Variants in AP5S1 observed in about 807,000 individuals in gnomAD.
AP5S1 encodes the protein AP-5 complex subunit sigma-1.
AP5S1 carries 13 observed loss-of-function variants against 13.9 expected under a neutral mutation model. The observed-to-expected ratio is 0.94, with a 90% CI of 0.61 to 1.49. The LOEUF (loss-of-function observed/expected upper bound fraction) is 1.49. Among genes scored for constraint, AP5S1 ranks in the 40% most tolerant of loss-of-function variants. The pLI, the probability that AP5S1 is intolerant of heterozygous loss-of-function variation, is 0.00. For missense variants in AP5S1, 292 were observed against 272.3 expected (o/e 1.07, Z -0.51); for synonymous variants, 132 against 121.8 (o/e 1.08, Z -0.55).
At chr20:3,823,473 G>A (rs1475012616) in intron 2 of AP5S1, 7 of 874,054 alleles carry the variant, frequency 8.0e-6, no homozygotes, top group African/African-American at 1.8e-5. Flanking sequence ...GGATGGTCTC[G>A]ATCTCCTGAC....
At chr20:3,820,834 G>A (rs1241201575) in intron 1 of AP5S1, 76 bp downstream of exon 1, 2 of 152,300 alleles carry the variant, frequency 1.3e-5, no homozygotes, top group Admixed American at 1.3e-4. Flanking sequence ...GCGCTCTGCT[G>A]GCGGCTGGAG....
rs2089615740 is a variant in AP5S1 at position 3,824,991 on chromosome 20, A to C, written c.*694A>C. 1 of 150,742 alleles carries C rather than the reference A, an allele frequency of 6.6e-6. No homozygotes were observed. The highest frequency in any genetic ancestry group is 1.5e-5 in the Non-Finnish European group (1 of 67,888). The allele number at this position is 150,742 out of a possible 1,614,324, so 9.3% of individuals were successfully genotyped here. A position where few individuals can be genotyped will look rare whatever the true frequency, so the allele number is the denominator to read the frequency against. On this transcript the variant is annotated 3_prime_UTR_variant, in exon 3 of 3. Coordinates refer to ENST00000615891, the MANE Select transcript of AP5S1 (RefSeq NM_018347.3). ...ACAAAAGGGGTCTCAGACTCCCCTG[A>C]GGGTGGAGGAGCTGTGCCTGCATGC...
Position 3,823,904 on chromosome 20 carries a change from G to A in AP5S1, c.210G>A (p.Gln70=). 6.2e-7 allele frequency: 1 copy of A among 1,602,388 alleles called. No individual in the cohort carries two copies. The highest frequency in any genetic ancestry group is 1.1e-5 in the South Asian group (1 of 91,042). ...AGTCAATGTGTCGGCTGCAGCAGCA[G>A]GCATCTGGCCGGCCCCCCATGGACC... ...QVESMCRLQQ[Q]ASGRPPMDLQ... Residue 70 remains glutamine (Q), a synonymous_variant, in exon 3 of 3, where the codon CAG becomes CAA. Coordinates refer to ENST00000615891, the MANE Select transcript of AP5S1 (RefSeq NM_018347.3).
intron 2 of AP5S1, among the ~76,000 whole-genome samples, chr20:3,823,032 C>T (rs1011245922): frequency 1.3e-5 from 2 of 152,166 alleles, no homozygotes; most frequent in African/African-American, 4.8e-5. Flanking sequence ...TCTTCTTATT[C>T]TCCTTCCCCT....
Position 3,824,360 on chromosome 20 carries a change from T to G in AP5S1, c.*63T>G. On this transcript the variant is annotated 3_prime_UTR_variant, in exon 3 of 3. Coordinates refer to ENST00000615891, the MANE Select transcript of AP5S1 (RefSeq NM_018347.3). The stretch of plus-strand genomic sequence containing the variant: ...GGTAGACACACAGCCAGATGAAGCT[T>G]GGCATCTCCCTCCTACCCAGCAGCT... 6.7e-7 allele frequency: 1 copy of G among 1,498,940 alleles called. No individual in the cohort carries two copies. Among genetic ancestry groups the G allele is most frequent in the Non-Finnish European group, 9.1e-7 (1 of 1,096,512 alleles). 92.9% of individuals were successfully genotyped at this position (1,498,940 alleles called of 1,614,324 possible). A position where few individuals can be genotyped will look rare whatever the true frequency, so the allele number is the denominator to read the frequency against.
Position 3,826,143 on chromosome 20 carries a change from G to A in AP5S1, c.*1846G>A, listed in dbSNP as rs1482565366. 6.6e-6 allele frequency: 1 copy of A among 152,222 alleles called. No individual in the cohort carries two copies. Among genetic ancestry groups the A allele is most frequent in the African/African-American group, 2.4e-5 (1 of 41,440 alleles). The allele number at this position is 152,222 out of a possible 1,614,324, so 9.4% of individuals were successfully genotyped here. On this transcript the variant is annotated 3_prime_UTR_variant, in exon 3 of 3. Coordinates refer to ENST00000615891, the MANE Select transcript of AP5S1 (RefSeq NM_018347.3). ...TGGACCCAACTACACCCACTTTGGAGGCAGCACTGATGATTAGCCCTTCCA... is the reference window on the plus strand; with the variant it reads ...TGGACCCAACTACACCCACTTTGGAAGCAGCACTGATGATTAGCCCTTCCA...
chr20:3,826,590 G>C lies in AP5S1; in HGVS notation c.*2293G>C, dbSNP rs923074684. ...GAGGTTAGGCGTGGCTGGTGGCCTG[G>C]TTCTCATGAGGTGGGGCAAACTGAT... On this transcript the variant is annotated 3_prime_UTR_variant, in exon 3 of 3. Transcript: ENST00000615891. 1 of 152,220 alleles carries C rather than the reference G, an allele frequency of 6.6e-6. No individual in the cohort carries two copies. The highest frequency in any genetic ancestry group is 1.5e-5 in the Non-Finnish European group (1 of 68,084). The allele number at this position is 152,220 out of a possible 1,614,324, so 9.4% of individuals were successfully genotyped here. A position where few individuals can be genotyped will look rare whatever the true frequency, so the allele number is the denominator to read the frequency against.
rs1370300760 is a variant in AP5S1, at chr20:3,825,196, C to T, written c.*899C>T. 6.6e-6 allele frequency: 1 copy of T among 152,244 alleles called. No individual in the cohort carries two copies. The highest frequency in any genetic ancestry group is 1.5e-5 in the Non-Finnish European group (1 of 68,042). The allele number at this position is 152,244 out of a possible 1,614,324, so 9.4% of individuals were successfully genotyped here. On this transcript the variant is annotated 3_prime_UTR_variant, in exon 3 of 3. Coordinates refer to ENST00000615891, the MANE Select transcript of AP5S1 (RefSeq NM_018347.3). Reference sequence around the variant, plus strand: ...AGGCTCGAGATAAAGTCATCACAGCCTTCCCTCATCTGCAGGGAGAGAAGT... The same window carrying T: ...AGGCTCGAGATAAAGTCATCACAGCTTTCCCTCATCTGCAGGGAGAGAAGT...
At chr20:3,821,834 G>A (rs2089583876) in intron 1 of AP5S1, 8 of 829,628 alleles carry the variant, frequency 9.6e-6, no homozygotes. Context: ...TAGGTTTAGG[G>A]TGGTCTGAGA....
rs1225077201 is a variant in AP5S1, at chr20:3,824,116, T to A, written c.422T>A (p.Leu141Gln). Reference sequence around the variant, plus strand: ...CTACTGGCTGAGGGCACGCTCCGGCTGCTGACACGCCTCCTCCTTGACCAC... The same window carrying A: ...CTACTGGCTGAGGGCACGCTCCGGCAGCTGACACGCCTCCTCCTTGACCAC... ...NLLLAEGTLR[L>Q]LTRLLLDHLR... Residue 141 changes from leucine to glutamine, a missense_variant, in exon 3 of 3, where the codon CTG (leucine) becomes CAG (glutamine). Coordinates refer to ENST00000615891, the MANE Select transcript of AP5S1 (RefSeq NM_018347.3). 2 of 1,613,988 alleles carry A rather than the reference T, an allele frequency of 1.2e-6. No homozygotes were observed. Among genetic ancestry groups the A allele is most frequent in the Non-Finnish European group, 1.7e-6 (2 of 1,180,014 alleles).
Position 3,824,217 on chromosome 20 carries a change from C to T in AP5S1, c.523C>T (p.Pro175Ser), listed in dbSNP as rs780880967. The T allele has an allele frequency of 6.8e-6, 11 of 1,614,220 alleles. No individual in the cohort carries two copies. In the East Asian group the frequency reaches 2.0e-4, roughly 29 times the overall value. ...TGAGGGCATCCTCACCCGCTTCCTG[C>T]CACATGGTCAGCTGCTTTTCCTCAA... Reference protein sequence around the residue: ...RIEGILTRFLPHGQLLFLNDQ... With the variant: ...RIEGILTRFLSHGQLLFLNDQ... The change falls in exon 3 of 3, where the codon CCA becomes TCA. Residue 175 changes from proline (P) to serine (S), a missense_variant. Coordinates refer to ENST00000615891, the MANE Select transcript of AP5S1 (RefSeq NM_018347.3).
intron 2 of AP5S1, among the ~76,000 whole-genome samples, chr20:3,822,723 C>A (rs1232869757): frequency 2.0e-5 from 3 of 152,148 alleles, no homozygotes; most frequent in African/African-American, 7.2e-5. Context: ...AGTAGGCAGG[C>A]AGACAGTACA....
chr20:3,820,818 G>A (rs925463469), intron 1 of AP5S1, 60 bp downstream of exon 1: 2 of 152,326 alleles, frequency 1.3e-5, no homozygotes, highest in Admixed American at 6.5e-5. Flanking sequence ...GGCGCGGAGT[G>A]ATGACGCGCT....
In AP5S1 at chr20:3,823,898, G is replaced by C; in HGVS notation, c.204G>C (p.Gln68His). The C allele has an allele frequency of 1.2e-6, 2 of 1,601,944 alleles. No homozygotes were observed. Among genetic ancestry groups the C allele is most frequent in the Non-Finnish European group, 1.7e-6 (2 of 1,179,104 alleles). The change falls in exon 3 of 3, where the codon CAG becomes CAC. Residue 68 changes from glutamine (Q) to histidine (H), a missense_variant. By Grantham distance (24) the Gln-to-His change is conservative. Coordinates refer to ENST00000615891, the MANE Select transcript of AP5S1 (RefSeq NM_018347.3). ...ARQVESMCRLQQQASGRPPMD... is the reference protein window; with the variant it reads ...ARQVESMCRLHQQASGRPPMD... ...AGGTAGAGTCAATGTGTCGGCTGCA[G>C]CAGCAGGCATCTGGCCGGCCCCCCA...
chr20:3,824,265 G>C lies in AP5S1; in HGVS notation c.571G>C (p.Glu191Gln), dbSNP rs2089608818. The C allele has an allele frequency of 6.2e-7, 1 of 1,614,064 alleles. No homozygotes were observed. The stretch of plus-strand genomic sequence containing the variant: ...CAACGACCAGTTTGTCCAAGGCCTG[G>C]AGAAGGAATTCAGTGCCGCTTGGCC... Reference protein sequence around the residue: ...FLNDQFVQGLEKEFSAAWPR With the variant: ...FLNDQFVQGLQKEFSAAWPR Residue 191 changes from glutamate (E) to glutamine (Q), a missense_variant, in exon 3 of 3, where the codon GAG (glutamate) becomes CAG (glutamine). Coordinates refer to ENST00000615891, the MANE Select transcript of AP5S1 (RefSeq NM_018347.3).
At position 3,824,243 on chromosome 20, in the gene AP5S1, C is replaced by G; in HGVS notation, c.549C>G (p.Asn183Lys). The G allele has an allele frequency of 2.5e-6, 4 of 1,614,218 alleles. No homozygotes were observed. The highest frequency in any genetic ancestry group is 3.4e-6 in the Non-Finnish European group (4 of 1,180,046). Residue 183 changes from asparagine to lysine, a missense_variant, in exon 3 of 3, where the codon AAC becomes AAG. Coordinates refer to ENST00000615891, the MANE Select transcript of AP5S1 (RefSeq NM_018347.3). ...FLPHGQLLFL[N>K]DQFVQGLEKE... ...CACATGGTCAGCTGCTTTTCCTCAA[C>G]GACCAGTTTGTCCAAGGCCTGGAGA...
rs2089610722 is a variant in AP5S1, at chr20:3,824,504, CCTA to C, written c.*208_*210del. On this transcript the variant is annotated 3_prime_UTR_variant, in exon 3 of 3. Coordinates refer to ENST00000615891, the MANE Select transcript of AP5S1 (RefSeq NM_018347.3). ...TAGTGGAACCACAGAACTTCCTGAG[CCTA>C]GAGCTGCTGTGTTACTTAGACCGCT... 1 of 607,618 alleles carries C rather than the reference CCTA, an allele frequency of 1.6e-6. No homozygotes were observed. The highest frequency in any genetic ancestry group is 2.1e-5 in the South Asian group (1 of 48,590). 37.6% of individuals were successfully genotyped at this position (607,618 alleles called of 1,614,324 possible).
intron 2 of AP5S1, chr20:3,823,498 G>A (rs1006028673): frequency 3.6e-5 from 35 of 968,872 alleles, no homozygotes; most frequent in East Asian, 1.1e-4. Flanking sequence ...TGATCCGCCC[G>A]CCTCGGCCTC....
Position 3,822,095 on chromosome 20 carries a change from C to T in AP5S1, c.-16-7C>T, listed in dbSNP as rs376604038. 6.2e-7 allele frequency: 1 copy of T among 1,608,508 alleles called. No individual in the cohort carries two copies. The highest frequency in any genetic ancestry group is 8.5e-7 in the Non-Finnish European group (1 of 1,176,376). On this transcript the variant is annotated splice_region_variant and splice_polypyrimidine_tract_variant and intron_variant, in intron 1 of 2. Coordinates refer to ENST00000615891, the MANE Select transcript of AP5S1 (RefSeq NM_018347.3). ...TCACCTTACCAATGTCTCTGGCTTC[C>T]CTGTAGCACCCACCCTGGAGCCATG...
Sources: gnomAD v4.1 joint callset for allele counts (sites outside exome capture counted in the v4.1 genomes callset) on GRCh38, gnomAD v4.1.1 for gene constraint, MANE v1.5 for transcripts, NCBI Gene and HGNC (gene_info 2026-07-23, HGNC 2026-07-21) for gene names.